The following BRINP2 variants were observed in gnomAD, a reference collection of about 807,000 sequenced individuals.
BRINP2 encodes the protein BMP/retinoic acid inducible neural specific 2.
A neutral mutation model predicts 69.2 loss-of-function variants in BRINP2; 21 were observed. That is an observed-to-expected ratio of 0.30 (90% confidence interval 0.22 to 0.44). The LOEUF (loss-of-function observed/expected upper bound fraction) is 0.44, where lower values mean the gene tolerates loss of function less well. Among genes scored for constraint, BRINP2 ranks in the 20% least tolerant of loss-of-function variants. The pLI is 1.00. For missense variants in BRINP2, 877 were observed against 986.0 expected, an observed-to-expected ratio of 0.89 and a Z score of 1.48; for synonymous variants, 380 against 394.1, an observed-to-expected ratio of 0.96 and a Z score of 0.42.
chr1:177,236,902 T>A (rs1650044824), intron 2 of BRINP2, among the ~76,000 whole-genome samples: 1 of 151,444 alleles, frequency 6.6e-6, no homozygotes. Context: ...GACACTGATT[T>A]CTTCCAGGGT....
intron 1 of BRINP2, among the ~76,000 whole-genome samples, chr1:177,200,727 T>C (rs1011700962): frequency 2.0e-5 from 3 of 152,230 alleles, no homozygotes; most frequent in African/African-American, 7.2e-5. Context: ...CTGGCATTTA[T>C]GATCACTTAA....
Position 177,238,602 on chromosome 1 carries a change from G to A in BRINP2, c.269+8457G>A, listed in dbSNP as rs192858381. ...AAGAGACAAGAGCCTTTTGTGAGCT[G>A]GGGTCTCAATCCATGAACTCTACAC... On this transcript the variant is annotated intron_variant, in intron 2 of 7. Coordinates refer to ENST00000361539, the MANE Select transcript of BRINP2 (RefSeq NM_021165.4). 9.2e-5 allele frequency among the ~76,000 whole-genome samples: 14 copies of A among 152,270 alleles called. No individual in the cohort carries two copies. In the East Asian group the frequency reaches 2.1e-3, roughly 23 times the overall value.
At chr1:177,190,632 C>T (rs1648559129) in intron 1 of BRINP2, among the ~76,000 whole-genome samples, 1 of 152,164 alleles carries the variant, frequency 6.6e-6, no homozygotes, top group African/African-American at 2.4e-5. Flanking sequence ...CTGGACCCTG[C>T]TGATAGTTCT....
chr1:177,267,279 C>A (rs987981852), intron 4 of BRINP2, among the ~76,000 whole-genome samples: 3 of 152,174 alleles, frequency 2.0e-5, no homozygotes, highest in Admixed American at 2.0e-4. Flanking sequence ...GGTCATACTC[C>A]CAGGTTATTC....
chr1:177,200,785 A>T (rs1648887699), intron 1 of BRINP2, among the ~76,000 whole-genome samples: 1 of 152,170 alleles, frequency 6.6e-6, no homozygotes, highest in South Asian at 2.1e-4. Context: ...ATACACACCT[A>T]CCCACCAGAA....
At chr1:177,184,001 A>G (rs1412539642) in intron 1 of BRINP2, among the ~76,000 whole-genome samples, 1 of 152,224 alleles carries the variant, frequency 6.6e-6, no homozygotes, top group Non-Finnish European at 1.5e-5. Context: ...GTGCTCTATT[A>G]TCTTGATTTC....
chr1:177,268,032 C>T (rs1051726839), intron 4 of BRINP2, among the ~76,000 whole-genome samples: 24 of 152,160 alleles, frequency 1.6e-4, no homozygotes, highest in Non-Finnish European at 2.8e-4. Flanking sequence ...CCCCCACCTT[C>T]TTCTCTTCAA....
At chr1:177,216,646 ACT>A (rs1276555407) in intron 1 of BRINP2, among the ~76,000 whole-genome samples, 1 of 93,644 alleles carries the variant, frequency 1.1e-5, no homozygotes, top group African/African-American at 4.3e-5. Flanking sequence ...AGTTAAAAGA[ACT>A]CTCTTTTGCA....
rs267598200 is a variant in BRINP2 at position 177,257,333 on chromosome 1, G to A, written c.618G>A (p.Glu206=). The change falls in exon 4 of 8, where the codon GAG becomes GAA. Residue 206 remains glutamate (E), a synonymous_variant. Transcript: ENST00000361539. Reference sequence around the variant, plus strand: ...CCGCCTCCTACTTCATCGACAGAGAGAGCACGCTGCGACGGCTGCACCATA... The same window carrying A: ...CCGCCTCCTACTTCATCGACAGAGAAAGCACGCTGCGACGGCTGCACCATA... ...QLAASYFIDR[E]STLRRLHHIQ... 1.2e-6 allele frequency: 2 copies of A among 1,614,024 alleles called. No individual in the cohort carries two copies. The highest frequency in any genetic ancestry group is 2.2e-5 in the South Asian group (2 of 91,066).
chr1:177,263,021 G>A (rs1651007494), intron 4 of BRINP2, among the ~76,000 whole-genome samples: 1 of 152,174 alleles, frequency 6.6e-6, no homozygotes, highest in East Asian at 1.9e-4. Context: ...GTATATACGT[G>A]GCGAAAGATA....
intron 1 of BRINP2, among the ~76,000 whole-genome samples, chr1:177,209,431 C>A (rs1021153031): frequency 6.6e-6 from 1 of 152,090 alleles, no homozygotes; most frequent in Non-Finnish European, 1.5e-5. Flanking sequence ...GAATCACCAG[C>A]ACCAGTTCCA....
chr1:177,182,953 G>T (rs938213971), intron 1 of BRINP2, among the ~76,000 whole-genome samples: 3 of 151,518 alleles, frequency 2.0e-5, no homozygotes, highest in Admixed American at 6.6e-5. Flanking sequence ...TGTTGTTGTT[G>T]TTTTTCTTTT....
At chr1:177,211,610 T>C (rs1418495925) in intron 1 of BRINP2, among the ~76,000 whole-genome samples, 1 of 152,190 alleles carries the variant, frequency 6.6e-6, no homozygotes, top group Non-Finnish European at 1.5e-5. Context: ...CCCTGTGTTG[T>C]TCATTATGAT....
intron 1 of BRINP2, among the ~76,000 whole-genome samples, chr1:177,209,878 A>C (rs984990051): frequency 6.6e-6 from 1 of 152,230 alleles, no homozygotes; most frequent in Non-Finnish European, 1.5e-5. Context: ...AAAATTTGGA[A>C]ATACATAAAA....
At chr1:177,280,277 C>A in intron 7 of BRINP2, 135 bp from the exon 8 acceptor site, 3 of 924,742 alleles carry the variant, frequency 3.2e-6, no homozygotes, top group Non-Finnish European at 4.9e-6. Flanking sequence ...AGAGTTTCTG[C>A]CACTCAGAGA....
intron 2 of BRINP2, among the ~76,000 whole-genome samples, 182 bp downstream of exon 2, chr1:177,230,327 AAG>A (rs1202827948): frequency 6.6e-6 from 1 of 152,182 alleles, no homozygotes; most frequent in Non-Finnish European, 1.5e-5. Context: ...TAAAAAAAGA[AAG>A]AAGAAAACAC....
In BRINP2 at chr1:177,175,686, C is replaced by T. The variant is rs142628081; in HGVS notation, c.-77+3954C>T. 5.4e-3 allele frequency among the ~76,000 whole-genome samples: 825 copies of T among 152,284 alleles called. 7 individuals carry two copies. Among genetic ancestry groups the T allele is most frequent in the African/African-American group, 0.014 (592 of 41,544 alleles). On this transcript the variant is annotated intron_variant, in intron 1 of 7. Transcript: ENST00000361539. ...AATTGCTTCCAGGTCAAAAGTAAAA[C>T]CCCCAAGAACCCAGTCTGTTTGTTT...
intron 1 of BRINP2, among the ~76,000 whole-genome samples, chr1:177,220,600 A>T (rs1649497264): frequency 6.6e-6 from 1 of 152,100 alleles, no homozygotes; most frequent in Non-Finnish European, 1.5e-5. Flanking sequence ...AGCCAATCAA[A>T]CCCTTTTCTT....
rs747854235 is a variant in BRINP2 at position 177,229,914 on chromosome 1, G to A, written c.38G>A (p.Arg13Gln). The change falls in exon 2 of 8, where the codon CGG becomes CAG. Residue 13 changes from arginine (R) to glutamine (Q), a missense_variant. This residue lies in a region of BRINP2 where 566 missense variants were observed against 625.2 expected (regional missense o/e 0.91). Coordinates refer to ENST00000361539, the MANE Select transcript of BRINP2 (RefSeq NM_021165.4). ...TGTGGCACTCGGTTTAGAGGGCTTCGGCCGGCGGTGGCCCCATGGACAGCC... is the reference window on the plus strand; with the variant it reads ...TGTGGCACTCGGTTTAGAGGGCTTCAGCCGGCGGTGGCCCCATGGACAGCC... The part of the protein sequence containing the change: ...WQCGTRFRGL[R>Q]PAVAPWTALL... 2.5e-6 allele frequency: 4 copies of A among 1,606,528 alleles called. No individual in the cohort carries two copies. The South Asian group carries it at 3.3e-5, about 13-fold the overall frequency.
Sources: allele counts gnomAD v4.1 joint callset (sites outside exome capture counted in the v4.1 genomes callset), GRCh38; gene constraint gnomAD v4.1.1; regional missense constraint gnomAD v4.1.1; transcripts MANE v1.5; gene names NCBI Gene and HGNC (gene_info 2026-07-23, HGNC 2026-07-21).